TACR2: variants seen among roughly 807,000 people sequenced by gnomAD.
TACR2 encodes substance-K receptor.
TACR2 carries 24 observed loss-of-function variants against 28.9 expected under a neutral mutation model. The observed-to-expected ratio is 0.83, with a 90% CI of 0.60 to 1.17. The LOEUF (loss-of-function observed/expected upper bound fraction) is 1.17, where lower values mean the gene tolerates loss of function less well. Ranked by LOEUF, TACR2 falls within the 50% of genes most tolerant of loss-of-function variation. TACR2 has a pLI of 0.00. For synonymous variants in TACR2, 222 were observed against 212.6 expected (o/e 1.04, Z -0.38); for missense variants, 487 against 524.4 (o/e 0.93, Z 0.70).
At chr10:69,411,405 A>G (rs1263719745) in intron 2 of TACR2, among the ~76,000 whole-genome samples, 1 of 152,246 alleles carries the variant, frequency 6.6e-6, no homozygotes, top group African/African-American at 2.4e-5. Flanking sequence ...ACTCTGAAGC[A>G]AAATTGATAA....
At chr10:69,409,924 T>TATATATAC (rs1840553845) in intron 2 of TACR2, among the ~76,000 whole-genome samples, 1 of 93,766 alleles carries the variant, frequency 1.1e-5, no homozygotes, top group African/African-American at 4.6e-5. Flanking sequence ...TATATATATA[T>TATATATAC]ATATATATAT....
At chr10:69,412,854 G>A (rs1006535242) in intron 2 of TACR2, among the ~76,000 whole-genome samples, 9 of 152,110 alleles carry the variant, frequency 5.9e-5, no homozygotes, top group Non-Finnish European at 1.2e-4. Flanking sequence ...GTTTTGAGAC[G>A]GAGTTTCACT....
rs771557083 is a variant in TACR2 at position 69,408,999 on chromosome 10, G to C, written c.664C>G (p.Leu222Val). Residue 222 changes from leucine (L) to valine (V), a missense_variant, in exon 3 of 5, where the codon CTC becomes GTC. Leu to Val is a conservative substitution (Grantham distance 32). Coordinates refer to ENST00000373306, the MANE Select transcript of TACR2 (RefSeq NM_001057.3). ...GGCACTGCGCGCCTCCAGAGCGTGAGGCCGATGACGCTGTAGGCTACAAAC... is the reference window on the plus strand; with the variant it reads ...GGCACTGCGCGCCTCCAGAGCGTGACGCCGATGACGCTGTAGGCTACAAAC... ...VMFVAYSVIG[L>V]TLWRRAVPGH... The C allele has an allele frequency of 1.8e-5, 29 of 1,607,510 alleles. No individual in the cohort carries two copies. Among genetic ancestry groups the C allele is most frequent in the Middle Eastern group, 1.7e-4 (1 of 6,012 alleles).
At chr10:69,406,114 G>A (rs1049467136) in intron 4 of TACR2, among the ~76,000 whole-genome samples, 6 of 152,200 alleles carry the variant, frequency 3.9e-5, no homozygotes, top group African/African-American at 1.4e-4. Flanking sequence ...CGGGTGAAAT[G>A]TCTGAGCCAC....
At chr10:69,414,409 C>T (rs1424274832) in intron 2 of TACR2, among the ~76,000 whole-genome samples, 1 of 152,230 alleles carries the variant, frequency 6.6e-6, no homozygotes. Context: ...TGCACGTGTA[C>T]ACACAGGCAG....
rs1840537866 is a variant in TACR2, at chr10:69,409,164, T to G, written c.588-89A>C. The stretch of plus-strand genomic sequence containing the variant: ...CCTGGTCCTGGGACCCCGCGGGCAC[T>G]GTGGAGCCGCCCCTGCGGGCCCACC... On this transcript the variant is annotated intron_variant, in intron 2 of 4. Transcript: ENST00000373306. 9.0e-6 allele frequency: 12 copies of G among 1,334,778 alleles called. No homozygotes were observed. The South Asian group carries it at 2.2e-4, about 24-fold the overall frequency. The allele number at this position is 1,334,778 out of a possible 1,614,324, so 82.7% of individuals were successfully genotyped here.
rs1369916176 is a variant in TACR2 at position 69,416,032 on chromosome 10, T to C, written c.292A>G (p.Ile98Val). 6.8e-6 allele frequency: 11 copies of C among 1,613,646 alleles called. No homozygotes were observed. The highest frequency in any genetic ancestry group is 1.3e-5 in the African/African-American group (1 of 74,910). ...AFNFVYASHN[I>V]WYFGRAFCYF... ...CAGAAGGCACGGCCAAAGTACCAGA[T>C]GTTGTGGCTGGCATAGACAAAGTTG... is the stretch of plus-strand genomic sequence containing the variant. Residue 98 changes from isoleucine to valine, a missense_variant, in exon 1 of 5, where the codon ATC (isoleucine) becomes GTC (valine). Physicochemically the swap from Ile to Val is conservative, Grantham distance 29. Transcript: ENST00000373306.
chr10:69,409,925 ATATATATATATATATAT>A (rs1840554006), intron 2 of TACR2, among the ~76,000 whole-genome samples: 1 of 74,692 alleles, frequency 1.3e-5, no homozygotes, highest in African/African-American at 6.1e-5. Context: ...ATATATATAT[ATATATATATATATATAT>A]AATCTGTATC....
chr10:69,409,837 A>G, intron 2 of TACR2, among the ~76,000 whole-genome samples: 1 of 140,224 alleles, frequency 7.1e-6, no homozygotes, highest in South Asian at 2.2e-4. Flanking sequence ...CCATATATGT[A>G]TACGTATACG....
intron 3 of TACR2, among the ~76,000 whole-genome samples, chr10:69,407,760 G>A (rs1294034636): frequency 6.6e-6 from 1 of 152,132 alleles, no homozygotes; most frequent in African/African-American, 2.4e-5. Flanking sequence ...CTGCCCACGG[G>A]TCAGCTCCTG....
chr10:69,408,873 C>T (rs1840531861), intron 3 of TACR2, 49 bp downstream of exon 3: 1 of 44,500 alleles, frequency 2.2e-5, no homozygotes, highest in East Asian at 2.7e-4. Context: ...CGCCAGCCCC[C>T]CGCCCCCTCC....
intron 4 of TACR2, among the ~76,000 whole-genome samples, chr10:69,406,046 G>A (rs1840499225): frequency 6.6e-6 from 1 of 152,220 alleles, no homozygotes; most frequent in African/African-American, 2.4e-5. Flanking sequence ...AGGAGATAGA[G>A]AGTTCTGGCC....
intron 2 of TACR2, among the ~76,000 whole-genome samples, chr10:69,411,746 A>T (rs562669852): frequency 1.6e-4 from 25 of 152,234 alleles, no homozygotes; most frequent in African/African-American, 6.0e-4. Context: ...CTCCAACCCG[A>T]CCAATCAGCA....
intron 2 of TACR2, among the ~76,000 whole-genome samples, chr10:69,412,265 CCAGTAAATCT>C (rs1840575087): frequency 6.6e-6 from 1 of 152,160 alleles, no homozygotes; most frequent in South Asian, 2.1e-4. Flanking sequence ...TATAATGGCT[CCAGTAAATCT>C]CTCTCCTAAA....
Position 69,405,091 on chromosome 10 carries a change from G to T in TACR2, c.939-7C>A. On this transcript the variant is annotated splice_region_variant and splice_polypyrimidine_tract_variant and intron_variant, in intron 4 of 4. Coordinates refer to ENST00000373306, the MANE Select transcript of TACR2 (RefSeq NM_001057.3). ...CCGGAATCCAGAGCGAAACCTGGGGGAGCGAGGGGCACCTTGAGCCAGGGA... is the reference window on the plus strand; with the variant it reads ...CCGGAATCCAGAGCGAAACCTGGGGTAGCGAGGGGCACCTTGAGCCAGGGA... The T allele has an allele frequency of 1.2e-6, 2 of 1,612,376 alleles. No individual in the cohort carries two copies. The highest frequency in any genetic ancestry group is 8.5e-7 in the Non-Finnish European group (1 of 1,178,820).
rs1272329920 is a variant in TACR2 at position 69,415,041 on chromosome 10, G to T, written c.491C>A (p.Ser164Tyr). ...GIWLVALALA[S>Y]PQCFYSTVTM... ...GACGGTGGAGTAGAAGCACTGAGGG[G>T]AGGCCAGGGCGAGAGCCACCAGCCA... The change falls in exon 2 of 5, where the codon TCC becomes TAC. Residue 164 changes from serine (S) to tyrosine (Y), a missense_variant. Physicochemically the swap from Ser to Tyr is moderately radical, Grantham distance 144. Coordinates refer to ENST00000373306, the MANE Select transcript of TACR2 (RefSeq NM_001057.3). 6.2e-7 allele frequency: 1 copy of T among 1,613,908 alleles called. No individual in the cohort carries two copies. Among genetic ancestry groups the T allele is most frequent in the South Asian group, 1.1e-5 (1 of 91,080 alleles).
chr10:69,407,689 TCCGTATCGGCACAGC>T (rs1840516123), intron 3 of TACR2, among the ~76,000 whole-genome samples: 1 of 152,108 alleles, frequency 6.6e-6, no homozygotes, highest in Non-Finnish European at 1.5e-5. Context: ...CTCTCTGGGA[TCCGTATCGGCACAGC>T]CCTTCTCTCT....
chr10:69,409,220 T>A, intron 2 of TACR2, 145 bp from the exon 3 acceptor site: 4 of 837,630 alleles, frequency 4.8e-6, no homozygotes, highest in Non-Finnish European at 6.8e-6. Context: ...TGGTTTGATT[T>A]AAACAAAAAT....
At chr10:69,409,900 T>TATAC (rs1188010936) in intron 2 of TACR2, among the ~76,000 whole-genome samples, 1 of 12,006 alleles carries the variant, frequency 8.3e-5, no homozygotes, top group African/African-American at 3.8e-4. Flanking sequence ...CATATATATA[T>TATAC]ATACATATAT....
Sources: allele counts gnomAD v4.1 joint callset (sites outside exome capture counted in the v4.1 genomes callset), GRCh38; gene constraint gnomAD v4.1.1; transcripts MANE v1.5; gene names NCBI Gene and HGNC (gene_info 2026-07-23, HGNC 2026-07-21).